Variants in ZNF142 observed in about 807,000 individuals in gnomAD.
The protein encoded by ZNF142 is zinc finger protein 142.
In ZNF142, 96 loss-of-function variants were observed where a neutral mutation model predicts 132.1. The observed-to-expected ratio is 0.73, with a 90% CI of 0.62 to 0.86. ZNF142 has a LOEUF of 0.86. Ranked by LOEUF, ZNF142 falls within the 40% of genes least tolerant of loss-of-function variation. The pLI is 0.00. For missense variants in ZNF142, 2,163 were observed against 2,336.2 expected, an observed-to-expected ratio of 0.93 and a Z score of 1.53; for synonymous variants, 842 against 890.1, an observed-to-expected ratio of 0.95 and a Z score of 0.96.
Position 218,634,599 on chromosome 2 carries a change from G to A in ZNF142, c.*3740C>T. The A allele has an allele frequency of 6.2e-7, 1 of 1,614,020 alleles. No individual in the cohort carries two copies. The highest frequency in any genetic ancestry group is 8.5e-7 in the Non-Finnish European group (1 of 1,179,892). ...TCTTTCCACCCTGAGAAGCCCATCA[G>A]CCCTTTCAAAGCCCAGACTCTCTTA... is the stretch of plus-strand genomic sequence containing the variant. On this transcript the variant is annotated 3_prime_UTR_variant, in exon 11 of 11. Transcript: ENST00000411696. This position sits in a 1 kb window ranked among gnomAD's most constrained non-coding sequence, Gnocchi z 4.0.
chr2:218,634,665 G>A lies in ZNF142; in HGVS notation c.*3674C>T. On this transcript the variant is annotated 3_prime_UTR_variant, in exon 11 of 11. Coordinates refer to ENST00000411696, the MANE Select transcript of ZNF142 (RefSeq NM_001379659.1). The surrounding 1 kb of genome is among the most constrained non-coding windows in gnomAD (Gnocchi z 4.0). Reference sequence around the variant, plus strand: ...AAATAAACTGTTGGGAAGAAACTGAGATAACTGGGATAGAAGTGAGGGAAG... The same window carrying A: ...AAATAAACTGTTGGGAAGAAACTGAAATAACTGGGATAGAAGTGAGGGAAG... 1.2e-6 allele frequency: 2 copies of A among 1,603,918 alleles called. No individual in the cohort carries two copies. The highest frequency in any genetic ancestry group is 1.7e-6 in the Non-Finnish European group (2 of 1,173,000).
chr2:218,642,407 T>C lies in ZNF142; in HGVS notation c.4709A>G (p.Asp1570Gly). The C allele has an allele frequency of 6.2e-7, 1 of 1,613,036 alleles. No homozygotes were observed. Among genetic ancestry groups the C allele is most frequent in the Non-Finnish European group, 8.5e-7 (1 of 1,180,026 alleles). Residue 1570 changes from aspartate to glycine, a missense_variant, in exon 9 of 11, where the codon GAT becomes GGT. Around this residue, in one of 7 missense-constraint regions of ZNF142, gnomAD observed 809 missense variants for 801.7 expected, o/e 1.01. Coordinates refer to ENST00000411696, the MANE Select transcript of ZNF142 (RefSeq NM_001379659.1). This position sits in a 1 kb window ranked among gnomAD's most constrained non-coding sequence, Gnocchi z 4.6. ...GAAATGCTGCTGCCTCCGGTGCTCA[T>C]CCAGAGCCAGTCGGCTAGGGAAGGC... is the stretch of plus-strand genomic sequence containing the variant. ...QEAFPSRLAL[D>G]EHRRQQHFSH...
chr2:218,638,761 C>T lies in ZNF142; in HGVS notation c.5242G>A (p.Ala1748Thr). Residue 1748 changes from alanine (A) to threonine (T), a missense_variant, in exon 11 of 11, where the codon GCT (alanine) becomes ACT (threonine). By Grantham distance (58) the Ala-to-Thr change is moderately conservative. This residue lies in a region of ZNF142 where 325 missense variants were observed against 367.8 expected (regional missense o/e 0.88). Coordinates refer to ENST00000411696, the MANE Select transcript of ZNF142 (RefSeq NM_001379659.1). ...TCCTGGTGCACACGCAGTGCATCAG[C>T]CCGGTTGGTGCAGTACTCACACTCG... is the stretch of plus-strand genomic sequence containing the variant. Reference protein sequence around the residue: ...CPECEYCTNRADALRVHQETR... With the variant: ...CPECEYCTNRTDALRVHQETR... 1.2e-6 allele frequency: 2 copies of T among 1,609,922 alleles called. No individual in the cohort carries two copies. Among genetic ancestry groups the T allele is most frequent in the Non-Finnish European group, 1.7e-6 (2 of 1,179,902 alleles).
In ZNF142 at chr2:218,648,792, C is replaced by G. The variant is rs764293193; in HGVS notation, c.1716G>C (p.Leu572=). The G allele has an allele frequency of 1.2e-6, 2 of 1,614,070 alleles. No homozygotes were observed. The highest frequency in any genetic ancestry group is 4.5e-5 in the East Asian group (2 of 44,900). The change falls in exon 7 of 11, where the codon CTG becomes CTC. Residue 572 remains leucine (L), a synonymous_variant. Coordinates refer to ENST00000411696, the MANE Select transcript of ZNF142 (RefSeq NM_001379659.1). The part of the protein sequence containing the change: ...KKQGHPGSEE[L]RCTFCPFATF... ...TGGCAAAGGGGCAGAAGGTGCAGCG[C>G]AGCTCTTCACTGCCAGGGTGGCCCT...
chr2:218,656,849 G>T (rs113980687), intron 3 of ZNF142, among the ~76,000 whole-genome samples: 2 of 140,152 alleles, frequency 1.4e-5, no homozygotes, highest in Non-Finnish European at 3.0e-5. Flanking sequence ...ACAGAGTCTC[G>T]CTCTGTCACC....
In ZNF142 at chr2:218,649,460, C is replaced by T. The variant is rs758741297; in HGVS notation, c.1049-1G>A. ...GACTCGGTGCCAGAGACCACATCCC[C>T]TGGGAAAGGGAATACAGAGAGTTGA... On this transcript the variant is annotated splice_acceptor_variant, in intron 6 of 10. Coordinates refer to ENST00000411696, the MANE Select transcript of ZNF142 (RefSeq NM_001379659.1). LOFTEE classifies it high-confidence loss of function. The T allele has an allele frequency of 6.3e-7, 1 of 1,581,272 alleles. No homozygotes were observed. Among genetic ancestry groups the T allele is most frequent in the Non-Finnish European group, 8.6e-7 (1 of 1,162,606 alleles).
Position 218,649,417 on chromosome 2 carries a change from A to G in ZNF142, c.1091T>C (p.Met364Thr), listed in dbSNP as rs1445701984. 6.2e-6 allele frequency: 10 copies of G among 1,611,930 alleles called. No homozygotes were observed. Among genetic ancestry groups the G allele is most frequent in the Non-Finnish European group, 8.5e-6 (10 of 1,178,948 alleles). ...AAAGCAGCGCTTACACTCTGGACAC[A>G]TATGGGTCTTGAAGAGGGACTCGGT... ...SGTESLFKTH[M>T]CPECKRCFKK... Residue 364 changes from methionine to threonine, a missense_variant, in exon 7 of 11, where the codon ATG becomes ACG. Physicochemically the swap from Met to Thr is moderately conservative, Grantham distance 81 (BLOSUM62 -1). Transcript: ENST00000411696.
In ZNF142 at chr2:218,646,371, A is replaced by C. The variant is rs1044338463; in HGVS notation, c.1874-23T>G. The C allele has an allele frequency of 2.5e-6, 4 of 1,612,622 alleles. No homozygotes were observed. In the African/African-American group the frequency reaches 5.3e-5, roughly 22 times the overall value. ...CACCTTATATGGGGGATGCGGATGA[A>C]GGGAGAGAACACAGGTCAGATACAG... On this transcript the variant is annotated intron_variant, in intron 7 of 10. Transcript: ENST00000411696.
In ZNF142 at chr2:218,634,411, AG is replaced by A; in HGVS notation, c.*3927del. ...TTAACTCCCTGAAAGAGGGGCTGGA[AG>A]GCCTCCATGGTGAATCTTGCTCTTC... On this transcript the variant is annotated 3_prime_UTR_variant, in exon 11 of 11. Coordinates refer to ENST00000411696, the MANE Select transcript of ZNF142 (RefSeq NM_001379659.1). The surrounding 1 kb of genome is among the most constrained non-coding windows in gnomAD (Gnocchi z 4.0). 6.3e-7 allele frequency: 1 copy of A among 1,590,454 alleles called. No homozygotes were observed. The highest frequency in any genetic ancestry group is 8.6e-7 in the Non-Finnish European group (1 of 1,167,668).
In ZNF142 at chr2:218,636,959, C is replaced by T. The variant is rs1178828194; in HGVS notation, c.*1380G>A. On this transcript the variant is annotated 3_prime_UTR_variant, in exon 11 of 11. Coordinates refer to ENST00000411696, the MANE Select transcript of ZNF142 (RefSeq NM_001379659.1). ...TCAGAGGGGCTTGGAATAGAGAAAC[C>T]TAAAGAAGCATCATCCCCTCCATCC... 3 of 456,936 alleles carry T rather than the reference C, an allele frequency of 6.6e-6. No individual in the cohort carries two copies. Among genetic ancestry groups the T allele is most frequent in the South Asian group, 4.7e-5 (3 of 64,266 alleles). 28.3% of individuals were successfully genotyped at this position (456,936 alleles called of 1,614,324 possible).
At chr2:218,645,584 A>G (rs1697661000) in intron 8 of ZNF142, among the ~76,000 whole-genome samples, 1 of 152,148 alleles carries the variant, frequency 6.6e-6, no homozygotes, top group Admixed American at 6.6e-5. Flanking sequence ...CCCAGGGCCA[A>G]ACTCTGAGAA....
Position 218,644,273 on chromosome 2 carries a change from G to T in ZNF142, c.2843C>A (p.Ser948Tyr), listed in dbSNP as rs1203060896. Residue 948 changes from serine to tyrosine, a missense_variant, in exon 9 of 11, where the codon TCT becomes TAT. Around this residue, in one of 7 missense-constraint regions of ZNF142, gnomAD observed 749 missense variants for 830.3 expected, o/e 0.90. Coordinates refer to ENST00000411696, the MANE Select transcript of ZNF142 (RefSeq NM_001379659.1). This position sits in a 1 kb window ranked among gnomAD's most constrained non-coding sequence, Gnocchi z 4.6. Reference protein sequence around the residue: ...ELSSFEGIGTSDLSAEENPLL... With the variant: ...ELSSFEGIGTYDLSAEENPLL... ...GGGATTTTCTTCAGCACTCAAGTCA[G>T]AAGTCCCAATACCTTCAAAGCTAGA... 6.2e-7 allele frequency: 1 copy of T among 1,614,112 alleles called. No individual in the cohort carries two copies. Among genetic ancestry groups the T allele is most frequent in the African/African-American group, 1.3e-5 (1 of 75,028 alleles).
At chr2:218,655,841 C>T (rs1938430810) in intron 4 of ZNF142, among the ~76,000 whole-genome samples, 1 of 152,108 alleles carries the variant, frequency 6.6e-6, no homozygotes, top group African/African-American at 2.4e-5. Context: ...AAAGAATCTC[C>T]AAGGACTGTA....
Position 218,645,041 on chromosome 2 carries a change from TAGG to T in ZNF142, c.2072_2074del (p.Ser691del). 6.2e-7 allele frequency: 1 copy of T among 1,613,014 alleles called. No individual in the cohort carries two copies. The highest frequency in any genetic ancestry group is 8.5e-7 in the Non-Finnish European group (1 of 1,179,366). On this transcript the variant is annotated inframe_deletion, in exon 9 of 11. Coordinates refer to ENST00000411696, the MANE Select transcript of ZNF142 (RefSeq NM_001379659.1). The stretch of plus-strand genomic sequence containing the variant: ...CAGCTGATCAGCCCGGTGACAGCGA[TAGG>T]AGCACTGGTTGCACTGATACCTGGC...
chr2:218,634,368 C>G lies in ZNF142; in HGVS notation c.*3971G>C. On this transcript the variant is annotated 3_prime_UTR_variant, in exon 11 of 11. Transcript: ENST00000411696. This position sits in a 1 kb window ranked among gnomAD's most constrained non-coding sequence, Gnocchi z 4.0. The stretch of plus-strand genomic sequence containing the variant: ...GTGGATATTACCAGCAGGTACCGTG[C>G]ACCCAGTACCTATCTTCTTAACTCC... 1 of 1,552,046 alleles carries G rather than the reference C, an allele frequency of 6.4e-7. No homozygotes were observed. The highest frequency in any genetic ancestry group is 1.2e-5 in the South Asian group (1 of 83,570).
chr2:218,638,345 C>T lies in ZNF142; in HGVS notation c.5658G>A (p.Glu1886=), dbSNP rs770357064. The T allele has an allele frequency of 6.6e-7, 1 of 1,515,190 alleles. No homozygotes were observed. Among genetic ancestry groups the T allele is most frequent in the Middle Eastern group, 2.0e-4 (1 of 5,084 alleles). The allele number at this position is 1,515,190 out of a possible 1,614,324, so 93.9% of individuals were successfully genotyped here. The change falls in exon 11 of 11, where the codon GAG becomes GAA. Residue 1886 remains glutamate, a synonymous_variant. Coordinates refer to ENST00000411696, the MANE Select transcript of ZNF142 (RefSeq NM_001379659.1). The part of the protein sequence containing the change: ...PAPAAPHTGP[E]G ...CAGGAGGTGGGGCAGGCTTTCAGCC[C>T]TCAGGTCCAGTGTGGGGAGCGGCAG...
chr2:218,644,752 G>A lies in ZNF142; in HGVS notation c.2364C>T (p.Leu788=), dbSNP rs539230119. The A allele has an allele frequency of 4.5e-5, 73 of 1,614,130 alleles. No homozygotes were observed. Among genetic ancestry groups the A allele is most frequent in the Non-Finnish European group, 5.8e-5 (69 of 1,180,052 alleles). ...CDYRTFSNTT[L]LFHKRKAHGY... is the part of the protein sequence containing the mutation. The stretch of plus-strand genomic sequence containing the variant: ...CATGGGCCTTGCGTTTATGGAACAA[G>A]AGTGTGGTGTTGCTGAAGGTGCGGT... Residue 788 remains leucine (L), a synonymous_variant, in exon 9 of 11, where the codon CTC becomes CTT. Transcript: ENST00000411696. The surrounding 1 kb of genome is among the most constrained non-coding windows in gnomAD (Gnocchi z 4.6).
In ZNF142 at chr2:218,634,303, G is replaced by T; in HGVS notation, c.*4036C>A. ...AGTTCTCTAGTGATGGTAGGGTTGG[G>T]GAATGCTCAAGAAAATTGCTAGGCT... On this transcript the variant is annotated 3_prime_UTR_variant, in exon 11 of 11. Coordinates refer to ENST00000411696, the MANE Select transcript of ZNF142 (RefSeq NM_001379659.1). The surrounding 1 kb of genome is among the most constrained non-coding windows in gnomAD (Gnocchi z 4.0). 6.4e-7 allele frequency: 1 copy of T among 1,571,900 alleles called. No individual in the cohort carries two copies. Among genetic ancestry groups the T allele is most frequent in the Non-Finnish European group, 8.6e-7 (1 of 1,158,682 alleles).
Position 218,644,459 on chromosome 2 carries a change from G to T in ZNF142, c.2657C>A (p.Ala886Glu). 1 of 1,614,000 alleles carries T rather than the reference G, an allele frequency of 6.2e-7. No homozygotes were observed. The highest frequency in any genetic ancestry group is 8.5e-7 in the Non-Finnish European group (1 of 1,180,002). ...GGDLGGSPSPAEVEEGSCTLH... is the reference protein window; with the variant it reads ...GGDLGGSPSPEEVEEGSCTLH... ...TGTGCAGCTGCCCTCCTCCACCTCT[G>T]CTGGGCTGGGACTGCCACCCAGGTC... is the stretch of plus-strand genomic sequence containing the variant. Residue 886 changes from alanine to glutamate, a missense_variant, in exon 9 of 11, where the codon GCA becomes GAA. Around this residue, in one of 7 missense-constraint regions of ZNF142, gnomAD observed 749 missense variants for 830.3 expected, o/e 0.90. Coordinates refer to ENST00000411696, the MANE Select transcript of ZNF142 (RefSeq NM_001379659.1). The surrounding 1 kb of genome is among the most constrained non-coding windows in gnomAD (Gnocchi z 4.6).
Sources: allele counts gnomAD v4.1 joint callset (sites outside exome capture counted in the v4.1 genomes callset), GRCh38; gene constraint gnomAD v4.1.1; regional missense constraint gnomAD v4.1.1; non-coding constraint Gnocchi (gnomAD v3.1); transcripts MANE v1.5; gene names NCBI Gene and HGNC (gene_info 2026-07-23, HGNC 2026-07-21).